Variants in HYCC1 observed in about 807,000 individuals in gnomAD.
HYCC1 encodes hyccin PI4KA lipid kinase complex subunit 1, also known as hyccin.
the HYCC1 span, chr7:22,983,931 TA>T: frequency 3.2e-5 from 46 of 1,454,260 alleles, no homozygotes; most frequent in East Asian, 2.3e-5. Flanking sequence ...CAATAAACCA[TA>T]AAAGTACTTA....
chr7:22,927,622 A>T, the HYCC1 span, among the ~76,000 whole-genome samples: 1 of 152,224 alleles, frequency 6.6e-6, no homozygotes, highest in Non-Finnish European at 1.5e-5. Context: ...ACACTCTCCC[A>T]AGACTAAACC....
the HYCC1 span, among the ~76,000 whole-genome samples, chr7:22,968,022 G>T: frequency 1.3e-5 from 2 of 152,164 alleles, no homozygotes; most frequent in South Asian, 2.1e-4. Flanking sequence ...CATGATTATG[G>T]TGAGTCTGCT....
At chr7:22,994,022 C>A in the HYCC1 span, among the ~76,000 whole-genome samples, 1 of 151,996 alleles carries the variant, frequency 6.6e-6, no homozygotes, top group African/African-American at 2.4e-5. Flanking sequence ...ACTCTGTTAC[C>A]CGGGCTAGAG....
chr7:22,966,759 C>T, the HYCC1 span, among the ~76,000 whole-genome samples: 1 of 152,052 alleles, frequency 6.6e-6, no homozygotes, highest in African/African-American at 2.4e-5. Context: ...CAAAAATATT[C>T]CCCAAGAATG....
the HYCC1 span, chr7:22,983,852 A>G: frequency 5.2e-6 from 4 of 771,912 alleles, no homozygotes; most frequent in South Asian, 5.7e-5. Context: ...AAACATATAC[A>G]TTTTCTTACC....
the HYCC1 span, among the ~76,000 whole-genome samples, chr7:23,003,734 G>T: frequency 2.6e-5 from 4 of 152,190 alleles, no homozygotes; most frequent in African/African-American, 7.2e-5. Context: ...TAATATGTTG[G>T]AATGAGACTT....
chr7:22,962,867 C>T, the HYCC1 span, among the ~76,000 whole-genome samples: 1 of 150,048 alleles, frequency 6.7e-6, no homozygotes, highest in Non-Finnish European at 1.5e-5. Context: ...GGAAAGAAAC[C>T]TATCTGCAGT....
the HYCC1 span, among the ~76,000 whole-genome samples, chr7:22,947,574 T>G: frequency 6.6e-6 from 1 of 152,088 alleles, no homozygotes; most frequent in Non-Finnish European, 1.5e-5. Flanking sequence ...ATTGTTCTTT[T>G]TGTGTTCTTT....
the HYCC1 span, among the ~76,000 whole-genome samples, chr7:22,925,832 T>C: frequency 1.1e-4 from 16 of 152,196 alleles, no homozygotes; most frequent in East Asian, 2.5e-3. Flanking sequence ...ATACAGAGAA[T>C]GCTACAAAGA....
At chr7:22,957,108 A>G in the HYCC1 span, among the ~76,000 whole-genome samples, 3 of 151,894 alleles carry the variant, frequency 2.0e-5, no homozygotes, top group Admixed American at 1.3e-4. Context: ...AAACACTACA[A>G]TGTGAGATTG....
At chr7:23,004,764 A>C in the HYCC1 span, among the ~76,000 whole-genome samples, 7 of 152,168 alleles carry the variant, frequency 4.6e-5, no homozygotes, top group African/African-American at 1.7e-4. Context: ...GTCAACACAA[A>C]TTACAGCAAG....
At chr7:22,997,849 G>A in the HYCC1 span, among the ~76,000 whole-genome samples, 1 of 152,158 alleles carries the variant, frequency 6.6e-6, no homozygotes, top group Non-Finnish European at 1.5e-5. Context: ...ATCAAGAATA[G>A]AACATAGGTT....
At chr7:22,951,421 G>C in the HYCC1 span, among the ~76,000 whole-genome samples, 2 of 151,770 alleles carry the variant, frequency 1.3e-5, no homozygotes, top group Non-Finnish European at 2.9e-5. Context: ...AAAATAATAA[G>C]CTGAAGCTTT....
At chr7:22,903,084 G>A in the HYCC1 span, among the ~76,000 whole-genome samples, 1 of 152,142 alleles carries the variant, frequency 6.6e-6, no homozygotes, top group Non-Finnish European at 1.5e-5. Flanking sequence ...TTGGAAAGGA[G>A]GTGAAGGAAT....
the HYCC1 span, among the ~76,000 whole-genome samples, chr7:22,990,848 T>C: frequency 2.0e-5 from 3 of 152,144 alleles, no homozygotes; most frequent in Admixed American, 1.3e-4. Context: ...AATAAACAAA[T>C]GAATAAACTC....
chr7:22,949,262 T>C, the HYCC1 span, among the ~76,000 whole-genome samples: 1 of 152,082 alleles, frequency 6.6e-6, no homozygotes, highest in Non-Finnish European at 1.5e-5. Context: ...GCCTCTGAAG[T>C]AGGCAATTTG....
chr7:22,930,488 C>G, the HYCC1 span, among the ~76,000 whole-genome samples: 1 of 149,924 alleles, frequency 6.7e-6, no homozygotes, highest in Non-Finnish European at 1.5e-5. Flanking sequence ...AAACTTTGCA[C>G]AAAGAAAATA....
the HYCC1 span, chr7:22,960,146 T>C: frequency 1.7e-6 from 2 of 1,203,472 alleles, no homozygotes; most frequent in African/African-American, 1.5e-5. Context: ...TCCACAGCTC[T>C]TTCTTCCAGA....
At chr7:22,977,143 T>G in the HYCC1 span, among the ~76,000 whole-genome samples, 4 of 150,302 alleles carry the variant, frequency 2.7e-5, no homozygotes, top group African/African-American at 9.8e-5. Flanking sequence ...AATAGATCTC[T>G]TATTAGCACA....
Sources: allele counts gnomAD v4.1 joint callset (sites outside exome capture counted in the v4.1 genomes callset), GRCh38; gene constraint gnomAD v4.1.1; transcripts MANE v1.5; gene names NCBI Gene and HGNC (gene_info 2026-07-23, HGNC 2026-07-21).